The following TFPT variants were observed in gnomAD, a reference collection of about 807,000 sequenced individuals.
TFPT encodes TCF3 fusion partner, also known as INO80 complex subunit F.
TFPT carries 27 observed loss-of-function variants against 28.8 expected under a neutral mutation model. The ratio of observed to expected loss-of-function variants is 0.94; its 90% CI spans 0.69 to 1.29. TFPT has a LOEUF of 1.29. TFPT is among the 50% of genes most tolerant of loss of function. The pLI is 0.00. For missense variants in TFPT, 330 were observed against 338.0 expected (o/e 0.98, Z 0.19); for synonymous variants, 152 against 142.8 (o/e 1.06, Z -0.46).
chr19:54,109,899 C>T (rs2073402974), intron 3 of TFPT, 152 bp downstream of exon 3: 2 of 302,226 alleles, frequency 6.6e-6, no homozygotes, highest in Non-Finnish European at 1.1e-5. Flanking sequence ...TCCCACTCTT[C>T]CTCCTTGTTT....
At chr19:54,109,885 C>T (rs183747218) in intron 3 of TFPT, among the ~76,000 whole-genome samples, 166 bp downstream of exon 3, 4 of 152,140 alleles carry the variant, frequency 2.6e-5, no homozygotes, top group Non-Finnish European at 5.9e-5. Context: ...CCTCCAACAC[C>T]GAATCCCACT....
chr19:54,113,093 CAAAAAAA>C (rs139440012), intron 2 of TFPT, among the ~76,000 whole-genome samples: 81 of 58,582 alleles, frequency 1.4e-3, no homozygotes, highest in African/African-American at 5.6e-3. Context: ...GACTCCACCT[CAAAAAAA>C]AAAAAAAAAA....
chr19:54,113,696 G>T (rs373310271), intron 2 of TFPT, among the ~76,000 whole-genome samples: 2 of 152,288 alleles, frequency 1.3e-5, no homozygotes, highest in East Asian at 3.9e-4. Context: ...CTCATTGATT[G>T]ATTGATTGAT....
chr19:54,115,648 A>G lies in TFPT; in HGVS notation c.-379T>C, dbSNP rs1268803964. 1.3e-5 allele frequency: 5 copies of G among 392,120 alleles called. No individual in the cohort carries two copies. Among genetic ancestry groups the G allele is most frequent in the Non-Finnish European group, 2.3e-5 (5 of 214,546 alleles). 24.3% of individuals were successfully genotyped at this position (392,120 alleles called of 1,614,324 possible). A position where few individuals can be genotyped will look rare whatever the true frequency, so the allele number is the denominator to read the frequency against. On this transcript the variant is annotated 5_prime_UTR_variant, in exon 1 of 6. Coordinates refer to ENST00000391759, the MANE Select transcript of TFPT (RefSeq NM_013342.4). ...TTACCGCCTCTCTCCGCCTAGTGCC[A>G]GGTGCTAATAAAGTTGTTGTTTCAA...
At chr19:54,107,954 C>T (rs2073319187) in intron 5 of TFPT, 72 bp downstream of exon 5, 1 of 1,452,864 alleles carries the variant, frequency 6.9e-7, no homozygotes, top group Non-Finnish European at 9.2e-7. Context: ...CCCCTTGAGT[C>T]CCCCCTCCTT....
In TFPT at chr19:54,114,515, C is replaced by T. The variant is rs1162947527; in HGVS notation, c.209G>A (p.Arg70Gln). 1 of 1,613,972 alleles carries T rather than the reference C, an allele frequency of 6.2e-7. No individual in the cohort carries two copies. Among genetic ancestry groups the T allele is most frequent in the Non-Finnish European group, 8.5e-7 (1 of 1,179,998 alleles). Residue 70 changes from arginine to glutamine, a missense_variant, in exon 2 of 6, where the codon CGG becomes CAG. Coordinates refer to ENST00000391759, the MANE Select transcript of TFPT (RefSeq NM_013342.4). Reference sequence around the variant, plus strand: ...ATTTAATTCCCGCTGGCGCCGCCGCCGACCCCGGGCTGCCTCTTCCTCTTC... The same window carrying T: ...ATTTAATTCCCGCTGGCGCCGCCGCTGACCCCGGGCTGCCTCTTCCTCTTC... Reference protein sequence around the residue: ...RDEEEEAARGRRRRQRELNRR... With the variant: ...RDEEEEAARGQRRRQRELNRR...
In TFPT at chr19:54,108,013, C is replaced by G; in HGVS notation, c.642+13G>C. The G allele has an allele frequency of 1.3e-6, 2 of 1,515,854 alleles. No individual in the cohort carries two copies. Among genetic ancestry groups the G allele is most frequent in the Non-Finnish European group, 1.8e-6 (2 of 1,133,140 alleles). The allele number at this position is 1,515,854 out of a possible 1,614,324, so 93.9% of individuals were successfully genotyped here. ...AGCCCCAGTCCCTCCCCTTGAGTTC[C>G]CGCCTTCCTCACCTGCACCGGGGCC... On this transcript the variant is annotated intron_variant, in intron 5 of 5. Coordinates refer to ENST00000391759, the MANE Select transcript of TFPT (RefSeq NM_013342.4).
intron 2 of TFPT, among the ~76,000 whole-genome samples, chr19:54,112,437 G>T (rs1407718200): frequency 6.6e-6 from 1 of 152,086 alleles, no homozygotes; most frequent in Non-Finnish European, 1.5e-5. Context: ...GTTAAACAGG[G>T]TTTGGAATAT....
intron 2 of TFPT, among the ~76,000 whole-genome samples, chr19:54,110,391 T>C (rs2073420067): frequency 6.6e-6 from 1 of 151,950 alleles, no homozygotes; most frequent in Non-Finnish European, 1.5e-5. Flanking sequence ...AAGTCTTAGG[T>C]CAACTGTTAC....
intron 3 of TFPT, 159 bp from the exon 4 acceptor site, chr19:54,108,554 C>T: frequency 6.2e-7 from 1 of 1,604,272 alleles, no homozygotes. Context: ...GAGCCATGCC[C>T]TTGACCAGCC....
intron 2 of TFPT, among the ~76,000 whole-genome samples, chr19:54,110,899 A>G (rs1386042295): frequency 1.3e-5 from 2 of 152,202 alleles, no homozygotes; most frequent in African/African-American, 4.8e-5. Context: ...TTGTTTCTAC[A>G]TCCCGTGCCT....
Position 54,108,307 on chromosome 19 carries a change from C to T in TFPT, c.423+19G>A, listed in dbSNP as rs73936706. ...CCTGAGCTCCCAGTTCCTGACCCTC[C>T]TGGAGGCCCAACACTCACCTCCAGC... On this transcript the variant is annotated intron_variant, in intron 4 of 5. Coordinates refer to ENST00000391759, the MANE Select transcript of TFPT (RefSeq NM_013342.4). 1.3e-6 allele frequency: 2 copies of T among 1,590,072 alleles called. No homozygotes were observed. Among genetic ancestry groups the T allele is most frequent in the East Asian group, 2.3e-5 (1 of 43,610 alleles).
In TFPT at chr19:54,115,313, C is replaced by G. The variant is rs199696888; in HGVS notation, c.-44G>C. 1,755 of 1,613,738 alleles carry G rather than the reference C, an allele frequency of 1.1e-3. 23 individuals carry two copies. In the South Asian group the frequency reaches 0.015, roughly 14 times the overall value. On this transcript the variant is annotated 5_prime_UTR_variant, in exon 1 of 6. Coordinates refer to ENST00000391759, the MANE Select transcript of TFPT (RefSeq NM_013342.4). ...CCCCGGGCCTCAGAGCTTCCGACCT[C>G]TTCAATCTGTAGGTTAAGCCGTTCG...
In TFPT at chr19:54,115,629, C is replaced by G; in HGVS notation, c.-360G>C. ...TCCCTTTCCTCCTCGCGGCTTACCG[C>G]CTCTCTCCGCCTAGTGCCAGGTGCT... On this transcript the variant is annotated 5_prime_UTR_variant, in exon 1 of 6. Transcript: ENST00000391759. 1 of 417,556 alleles carries G rather than the reference C, an allele frequency of 2.4e-6. No individual in the cohort carries two copies. The highest frequency in any genetic ancestry group is 4.3e-6 in the Non-Finnish European group (1 of 230,704). The allele number at this position is 417,556 out of a possible 1,614,324, so 25.9% of individuals were successfully genotyped here.
chr19:54,114,476 T>A lies in TFPT; in HGVS notation c.248A>T (p.Gln83Leu). 1 of 1,613,790 alleles carries A rather than the reference T, an allele frequency of 6.2e-7. No individual in the cohort carries two copies. Among genetic ancestry groups the A allele is most frequent in the Non-Finnish European group, 8.5e-7 (1 of 1,180,004 alleles). ...RQRELNRRKY[Q>L]ALGRRCREIE... ...CTCCCGGCAGCGCCGACCTAGTGCC[T>A]GGTACTTTCTGCGATTTAATTCCCG... The change falls in exon 2 of 6, where the codon CAG becomes CTG. Residue 83 changes from glutamine to leucine, a missense_variant. Physicochemically the swap from Gln to Leu is moderately radical, Grantham distance 113 (BLOSUM62 -2). Transcript: ENST00000391759.
At chr19:54,114,145 A>T (rs2073539829) in intron 2 of TFPT, among the ~76,000 whole-genome samples, 2 of 152,140 alleles carry the variant, frequency 1.3e-5, no homozygotes, top group African/African-American at 4.8e-5. Context: ...TGGCAGGGGT[A>T]TGGGAGATGT....
chr19:54,110,001 C>T (rs756275718), intron 3 of TFPT, 50 bp downstream of exon 3: 1 of 1,579,602 alleles, frequency 6.3e-7, no homozygotes, highest in South Asian at 1.1e-5. Flanking sequence ...GGGCTGGGAG[C>T]ATTTGGGAGC....
At chr19:54,110,199 C>T in intron 2 of TFPT, 78 bp from the exon 3 acceptor site, 3 of 1,505,166 alleles carry the variant, frequency 2.0e-6, no homozygotes, top group Non-Finnish European at 2.8e-6. Flanking sequence ...ATGGGGCACG[C>T]ACTAAACTCT....
chr19:54,114,993 GTCCA>G lies in TFPT; in HGVS notation c.23+250_23+253del, dbSNP rs2073580681. On this transcript the variant is annotated intron_variant, in intron 1 of 5. Coordinates refer to ENST00000391759, the MANE Select transcript of TFPT (RefSeq NM_013342.4). ...CTTTTTCTCTCCAAGGACCCAGGGA[GTCCA>G]AGCCCCAACCCTCAACCAGACGCAA... 71 of 667,596 alleles carry G rather than the reference GTCCA, an allele frequency of 1.1e-4. 1 individual carries two copies. The South Asian group carries it at 1.4e-3, about 14-fold the overall frequency. The allele number at this position is 667,596 out of a possible 1,614,324, so 41.4% of individuals were successfully genotyped here. A position where few individuals can be genotyped will look rare whatever the true frequency, so the allele number is the denominator to read the frequency against.
Sources: allele counts gnomAD v4.1 joint callset (sites outside exome capture counted in the v4.1 genomes callset), GRCh38; gene constraint gnomAD v4.1.1; transcripts MANE v1.5; gene names NCBI Gene and HGNC (gene_info 2026-07-23, HGNC 2026-07-21).